BCKDHB: variants seen among roughly 807,000 people sequenced by gnomAD.
The protein encoded by BCKDHB is branched chain keto acid dehydrogenase E1 subunit beta.
A neutral mutation model predicts 48.5 loss-of-function variants in BCKDHB; 41 were observed. That is an observed-to-expected ratio of 0.85 (90% CI 0.66 to 1.10). The LOEUF (loss-of-function observed/expected upper bound fraction) is 1.10, where lower values mean the gene tolerates loss of function less well. Ranked by LOEUF, BCKDHB falls within the 50% of genes least tolerant of loss-of-function variation. The probability of loss-of-function intolerance (pLI) is 0.00; values close to 1 mark genes in which losing one functional copy is unlikely to be tolerated. For synonymous variants in BCKDHB, 201 were observed against 174.8 expected (o/e 1.15, Z -1.18); for missense variants, 496 against 494.2 (o/e 1.00, Z -0.03).
intron 3 of BCKDHB, among the ~76,000 whole-genome samples, chr6:80,163,132 G>A (rs1425787974): frequency 4.0e-5 from 6 of 151,724 alleles, no homozygotes; most frequent in Non-Finnish European, 8.8e-5. Context: ...TTTGCTGTAG[G>A]GTCTTGAACT....
chr6:80,205,389 A>G (rs1010137620), intron 8 of BCKDHB, among the ~76,000 whole-genome samples: 2 of 152,018 alleles, frequency 1.3e-5, no homozygotes, highest in African/African-American at 4.8e-5. Context: ...TTGTGTGTCA[A>G]CTAAACCCCA....
chr6:80,204,606 T>C (rs67379633), intron 8 of BCKDHB, among the ~76,000 whole-genome samples: 12,276 of 152,084 alleles, frequency 0.081, 572 homozygotes, highest in South Asian at 0.099. Flanking sequence ...GATGGCGCAG[T>C]GCGGAGGGCA....
intron 2 of BCKDHB, 108 bp from the exon 3 acceptor site, chr6:80,129,053 T>G: frequency 1.2e-6 from 1 of 862,030 alleles, no homozygotes; most frequent in Non-Finnish European, 1.8e-6. Flanking sequence ...CTATGGTCCA[T>G]TTATCTTTTG....
At chr6:80,253,019 A>T (rs1273590787) in intron 8 of BCKDHB, among the ~76,000 whole-genome samples, 1 of 152,200 alleles carries the variant, frequency 6.6e-6, no homozygotes, top group Non-Finnish European at 1.5e-5. Flanking sequence ...TCCTCACAAC[A>T]TCTGCATCAG....
At chr6:80,284,511 A>C (rs1766532240) in intron 9 of BCKDHB, among the ~76,000 whole-genome samples, 1 of 152,022 alleles carries the variant, frequency 6.6e-6, no homozygotes, top group South Asian at 2.1e-4. Context: ...TTGCTTCTTG[A>C]TTCATTTGAA....
intron 3 of BCKDHB, among the ~76,000 whole-genome samples, chr6:80,166,454 G>A (rs1230127043): frequency 6.6e-6 from 1 of 151,926 alleles, no homozygotes; most frequent in Non-Finnish European, 1.5e-5. Context: ...TCAGGAGTTC[G>A]AGACCAGCCT....
rs531207846 is a variant in BCKDHB, at chr6:80,221,912, CAG to C, written c.951+18701_951+18702del. 1.1e-4 allele frequency among the ~76,000 whole-genome samples: 17 copies of C among 152,268 alleles called. 1 individual carries two copies. The South Asian group carries it at 3.5e-3, about 32-fold the overall frequency. ...CAATTCAGAATTGGGCTTCCTAAAA[CAG>C]TGTATCCTTCCAATGGCGTTTCCTA... is the stretch of plus-strand genomic sequence containing the variant. On this transcript the variant is annotated intron_variant, in intron 8 of 9. Transcript: ENST00000320393.
chr6:80,408,055 T>C, the BCKDHB span, among the ~76,000 whole-genome samples: 1 of 152,192 alleles, frequency 6.6e-6, no homozygotes, highest in Non-Finnish European at 1.5e-5. Context: ...TGAGAGTTTT[T>C]AGCATGAAGG....
the BCKDHB span, chr6:80,374,530 A>T: frequency 4.1e-6 from 3 of 723,848 alleles, no homozygotes; most frequent in East Asian, 2.5e-5. Flanking sequence ...GATTTGCATG[A>T]TTTTGTGGGG....
the BCKDHB span, among the ~76,000 whole-genome samples, chr6:80,430,716 CTTT>C: frequency 0.018 from 2,672 of 152,140 alleles, 68 homozygotes; most frequent in African/African-American, 0.061. Context: ...CCCTTTTCTT[CTTT>C]ATGAGTCTCG....
the BCKDHB span, among the ~76,000 whole-genome samples, chr6:80,460,906 C>G: frequency 6.6e-6 from 1 of 152,132 alleles, no homozygotes; most frequent in Admixed American, 6.5e-5. Context: ...GAGCTGAACT[C>G]TTCCTTGGCA....
intron 6 of BCKDHB, among the ~76,000 whole-genome samples, chr6:80,182,134 G>A (rs1338278661): frequency 1.3e-5 from 2 of 152,142 alleles, no homozygotes; most frequent in Non-Finnish European, 2.9e-5. Flanking sequence ...AGCATTTCTT[G>A]TAAATCTACA....
chr6:80,106,769 C>T lies in BCKDHB; in HGVS notation c.76C>T (p.Leu26Phe). ...AAGAEGHWRR[L>F]PGAGLARGFL... ...AGGGGCTGAGGGGCACTGGCGTCGG[C>T]TTCCTGGCGCGGGGCTGGCGCGGGG... The change falls in exon 1 of 10, where the codon CTT becomes TTT. Residue 26 changes from leucine to phenylalanine, a missense_variant. Coordinates refer to ENST00000320393, the MANE Select transcript of BCKDHB (RefSeq NM_183050.4). 6.3e-7 allele frequency: 1 copy of T among 1,586,204 alleles called. No homozygotes were observed. Among genetic ancestry groups the T allele is most frequent in the Non-Finnish European group, 8.6e-7 (1 of 1,167,466 alleles).
the BCKDHB span, among the ~76,000 whole-genome samples, chr6:80,428,999 T>A: frequency 6.6e-6 from 1 of 152,216 alleles, no homozygotes; most frequent in Non-Finnish European, 1.5e-5. Context: ...ATTTTTATGG[T>A]TTTACATCTT....
At chr6:80,168,406 A>AAGGG (rs140663956) in intron 4 of BCKDHB, among the ~76,000 whole-genome samples, 39,496 of 89,208 alleles carry the variant, frequency 0.44, 9,455 homozygotes, top group East Asian at 0.65. Context: ...GAAAGAAGGG[A>AAGGG]AGGGAGGGAG....
intron 8 of BCKDHB, among the ~76,000 whole-genome samples, chr6:80,217,410 A>G (rs191735973): frequency 6.6e-6 from 1 of 152,216 alleles, no homozygotes; most frequent in Admixed American, 6.5e-5. Context: ...TAAGTTATAT[A>G]GTTTCTTACA....
chr6:80,334,413 G>C (rs937799935), intron 9 of BCKDHB, among the ~76,000 whole-genome samples: 4 of 151,986 alleles, frequency 2.6e-5, no homozygotes, highest in Non-Finnish European at 5.9e-5. Context: ...TAAACTTTGA[G>C]AGTACAAAGA....
intron 8 of BCKDHB, among the ~76,000 whole-genome samples, chr6:80,258,282 C>T (rs1777143725): frequency 6.6e-6 from 1 of 152,180 alleles, no homozygotes; most frequent in South Asian, 2.1e-4. Context: ...TCCTCATCAG[C>T]TTTTCATGGT....
At chr6:80,466,550 G>A in the BCKDHB span, among the ~76,000 whole-genome samples, 8 of 152,090 alleles carry the variant, frequency 5.3e-5, no homozygotes, top group African/African-American at 9.7e-5. Context: ...GGTGATTAAC[G>A]TTAATTAGCT....
Sources: gnomAD v4.1 joint callset for allele counts (sites outside exome capture counted in the v4.1 genomes callset) on GRCh38, gnomAD v4.1.1 for gene constraint, MANE v1.5 for transcripts, NCBI Gene and HGNC (gene_info 2026-07-23, HGNC 2026-07-21) for gene names.